The following SHANK2 variants were observed in gnomAD, a reference collection of about 807,000 sequenced individuals.
SHANK2 encodes the protein SH3 and multiple ankyrin repeat domains protein 2.
SHANK2 carries 43 observed loss-of-function variants against 133.7 expected under a neutral mutation model. That is an observed-to-expected ratio of 0.32 (90% CI 0.25 to 0.41). The LOEUF (loss-of-function observed/expected upper bound fraction) is 0.41. Among genes scored for constraint, SHANK2 ranks in the 10% least tolerant of loss-of-function variants. The pLI, the probability that SHANK2 is intolerant of heterozygous loss-of-function variation, is 1.00. For synonymous variants in SHANK2, 1,017 were observed against 952.8 expected, an observed-to-expected ratio of 1.07 and a Z score of -1.24; for missense variants, 1,994 against 2,235.8, an observed-to-expected ratio of 0.89 and a Z score of 2.18.
intron 11 of SHANK2, among the ~76,000 whole-genome samples, chr11:70,822,889 G>C (rs113041191): frequency 1.2e-5 from 1 of 81,502 alleles, no homozygotes; most frequent in Admixed American, 1.3e-4. Flanking sequence ...GGCACTGGCA[G>C]AGGTCACGGG....
intron 2 of SHANK2, among the ~76,000 whole-genome samples, chr11:71,180,863 C>G (rs782808592): frequency 6.6e-6 from 1 of 152,050 alleles, no homozygotes; most frequent in African/African-American, 2.4e-5. Flanking sequence ...GTCAGACCAT[C>G]GGACAGTCCC....
intron 14 of SHANK2, among the ~76,000 whole-genome samples, chr11:70,716,513 G>A (rs1194264120): frequency 6.6e-6 from 1 of 152,146 alleles, no homozygotes; most frequent in Non-Finnish European, 1.5e-5. Flanking sequence ...TTCGGTGCTG[G>A]GACCTTGGCC....
intron 21 of SHANK2, among the ~76,000 whole-genome samples, chr11:70,495,357 T>C (rs1441298742): frequency 1.3e-5 from 2 of 152,206 alleles, no homozygotes; most frequent in Admixed American, 6.5e-5. Flanking sequence ...CTCTGTTCCC[T>C]GGCCTCGCCG....
intron 1 of SHANK2, among the ~76,000 whole-genome samples, chr11:71,244,788 C>T (rs780844673): frequency 3.9e-5 from 6 of 151,982 alleles, no homozygotes; most frequent in Admixed American, 2.0e-4. Context: ...CTGCAACCTC[C>T]GCCTGCCGGG....
At position 71,114,888 on chromosome 11, in the gene SHANK2, T is replaced by C. The variant is rs115381684; in HGVS notation, c.412-1524A>G. Among the ~76,000 whole-genome samples, 1,192 of 152,140 alleles carry C rather than the reference T, an allele frequency of 7.8e-3. 18 individuals are homozygous for C. The highest frequency in any genetic ancestry group is 0.027 in the African/African-American group (1,140 of 41,500). On this transcript the variant is annotated intron_variant, in intron 4 of 25. Transcript: ENST00000601538. ...CCTTTCCAGACATAAAACAATCCGCTTGGGCCCACAGCATCTCTGGGGCAG... is the reference window on the plus strand; with the variant it reads ...CCTTTCCAGACATAAAACAATCCGCCTGGGCCCACAGCATCTCTGGGGCAG...
At chr11:70,875,788 C>T (rs910465358) in intron 11 of SHANK2, among the ~76,000 whole-genome samples, 1 of 148,282 alleles carries the variant, frequency 6.7e-6, no homozygotes, top group South Asian at 2.1e-4. Flanking sequence ...CCTGGGAGGT[C>T]GAGACCGCAG....
chr11:70,694,089 G>C (rs1396942125), intron 15 of SHANK2, among the ~76,000 whole-genome samples: 2 of 152,186 alleles, frequency 1.3e-5, no homozygotes, highest in Non-Finnish European at 2.9e-5. Flanking sequence ...ATGAGGCTGG[G>C]GATTTGGTTA....
intron 14 of SHANK2, among the ~76,000 whole-genome samples, chr11:70,737,782 C>G (rs1473384216): frequency 2.0e-5 from 3 of 152,228 alleles, no homozygotes; most frequent in Admixed American, 2.0e-4. Flanking sequence ...CAAATGATTC[C>G]AGAATGAAGG....
rs535108506 is a variant in SHANK2, at chr11:70,698,755, C to T, written c.1786G>A (p.Ala596Thr). Residue 596 changes from alanine to threonine, a missense_variant, in exon 15 of 26, where the codon GCT becomes ACT. Transcript: ENST00000601538. ...CTGAAAAGCTTCTTGCTGCGGTCAGCGCGGGTTTCTGTACAGAGAGGGAAG... is the reference window on the plus strand; with the variant it reads ...CTGAAAAGCTTCTTGCTGCGGTCAGTGCGGGTTTCTGTACAGAGAGGGAAG... ...KPRDSQAETR[A>T]DRSKKLFRHY... The T allele has an allele frequency of 1.9e-5, 14 of 718,596 alleles. No homozygotes were observed. The highest frequency in any genetic ancestry group is 5.9e-5 in the South Asian group (4 of 67,606). The allele number at this position is 718,596 out of a possible 1,614,324, so 44.5% of individuals were successfully genotyped here.
chr11:70,475,633 G>C (rs2135676922), intron 25 of SHANK2, among the ~76,000 whole-genome samples: 1 of 152,286 alleles, frequency 6.6e-6, no homozygotes, highest in South Asian at 2.1e-4. Context: ...ATCTGAAAGG[G>C]GCCTGTGCTG....
In SHANK2 at chr11:70,786,230, T is replaced by C. The variant is rs532524875; in HGVS notation, c.1777+12213A>G. On this transcript the variant is annotated intron_variant, in intron 14 of 25. Coordinates refer to ENST00000601538, the MANE Select transcript of SHANK2 (RefSeq NM_012309.5). ...GTGCCTTTCTCCTCTGCAGCCACCC[T>C]GGGCTGTCTCTGGCCTGGCCTCCTT... Among the ~76,000 whole-genome samples, 436 of 152,358 alleles carry C rather than the reference T, an allele frequency of 2.9e-3. 2 individuals are homozygous for C. Among genetic ancestry groups the C allele is most frequent in the Admixed American group, 3.7e-3 (57 of 15,308 alleles).
chr11:71,210,665 C>G (rs1344362405), intron 2 of SHANK2, among the ~76,000 whole-genome samples: 1 of 152,110 alleles, frequency 6.6e-6, no homozygotes, highest in Non-Finnish European at 1.5e-5. Context: ...AGCTGGAGAC[C>G]AGATCACTCC....
intron 2 of SHANK2, among the ~76,000 whole-genome samples, chr11:71,158,949 T>C (rs1952957644): frequency 6.6e-6 from 1 of 152,174 alleles, no homozygotes; most frequent in Admixed American, 6.5e-5. Context: ...CACTGACTAC[T>C]GTCACGTGAA....
chr11:70,867,598 G>A (rs553969187), intron 11 of SHANK2, among the ~76,000 whole-genome samples: 19 of 152,324 alleles, frequency 1.2e-4, no homozygotes, highest in African/African-American at 4.1e-4. Flanking sequence ...TGTGGGGTCA[G>A]CTCAGCCATG....
intron 10 of SHANK2, among the ~76,000 whole-genome samples, chr11:70,952,043 C>T (rs1478805257): frequency 2.0e-5 from 3 of 152,320 alleles, no homozygotes; most frequent in South Asian, 2.1e-4. Flanking sequence ...CATGAATTTA[C>T]GGGGCAAACG....
At chr11:71,133,583 A>G (rs1555104165) in intron 3 of SHANK2, among the ~76,000 whole-genome samples, 1 of 134,786 alleles carries the variant, frequency 7.4e-6, no homozygotes, top group African/African-American at 2.8e-5. Flanking sequence ...ATGTGGATGG[A>G]TTGGAGGGTC....
At chr11:70,568,646 G>GCCTCCCCCCCC (rs1554982439) in intron 17 of SHANK2, among the ~76,000 whole-genome samples, 1 of 79,966 alleles carries the variant, frequency 1.3e-5, no homozygotes, top group Non-Finnish European at 2.8e-5. Flanking sequence ...GCGGATTCCT[G>GCCTCCCCCCCC]CCCCCCCCGC....
chr11:70,485,424 A>G lies in SHANK2; in HGVS notation c.4869T>C (p.Val1623=). The G allele has an allele frequency of 6.2e-7, 1 of 1,613,964 alleles. No individual in the cohort carries two copies. The highest frequency in any genetic ancestry group is 8.5e-7 in the Non-Finnish European group (1 of 1,180,020). ...GTAGGATAGAGTTCAATTCACTAAT[A>G]ACGTTTGCCTTTGGGCCTGAGAGAA... ...SPILSGPKAN[V]ISELNSILQQ... Residue 1623 remains valine (V), a synonymous_variant, in exon 25 of 26, where the codon GTT becomes GTC. Coordinates refer to ENST00000601538, the MANE Select transcript of SHANK2 (RefSeq NM_012309.5). The surrounding 1 kb of genome is among the most constrained non-coding windows in gnomAD (Gnocchi z 5.8).
At chr11:70,683,494 G>T (rs1591745606) in intron 15 of SHANK2, among the ~76,000 whole-genome samples, 1 of 152,320 alleles carries the variant, frequency 6.6e-6, no homozygotes, top group East Asian at 1.9e-4. Context: ...CATGCTCTCA[G>T]AGTTTCCTGT....
Sources: gnomAD v4.1 joint callset for allele counts (sites outside exome capture counted in the v4.1 genomes callset) on GRCh38, gnomAD v4.1.1 for gene constraint, Gnocchi (gnomAD v3.1) non-coding constraint, MANE v1.5 for transcripts, NCBI Gene and HGNC (gene_info 2026-07-23, HGNC 2026-07-21) for gene names.